The following SMAD3 variants were observed in gnomAD, a reference collection of about 807,000 sequenced individuals.
SMAD3 encodes MAD homolog 3.
SMAD3 carries 12 observed loss-of-function variants against 51.8 expected under a neutral mutation model. The observed-to-expected ratio is 0.23, with a 90% CI of 0.15 to 0.38. The LOEUF is 0.38. Ranked by LOEUF, SMAD3 falls within the 10% of genes least tolerant of loss-of-function variation. The pLI, the probability that SMAD3 is intolerant of heterozygous loss-of-function variation, is 1.00. For missense variants in SMAD3, 294 were observed against 565.6 expected (o/e 0.52, Z 4.87); for synonymous variants, 238 against 227.7 (o/e 1.05, Z -0.41).
intron 1 of SMAD3, among the ~76,000 whole-genome samples, chr15:67,068,851 T>A (rs1959986610): frequency 6.6e-6 from 1 of 152,178 alleles, no homozygotes; most frequent in Non-Finnish European, 1.5e-5. Flanking sequence ...TATCAATGTG[T>A]CTGCTAAGCC....
In SMAD3 at chr15:67,194,205, GTC is replaced by G. The variant is rs1963443229; in HGVS notation, c.*3671_*3672del. ...AACCTCAACACAGCGAAGCTGTACT[GTC>G]TTTGTGTGGCAAAGATGTTCCCTTG... is the stretch of plus-strand genomic sequence containing the variant. On this transcript the variant is annotated 3_prime_UTR_variant, in exon 9 of 9. Coordinates refer to ENST00000327367, the MANE Select transcript of SMAD3 (RefSeq NM_005902.4). 4.3e-6 allele frequency: 1 copy of G among 233,354 alleles called. No individual in the cohort carries two copies. Among genetic ancestry groups the G allele is most frequent in the South Asian group, 1.8e-4 (1 of 5,538 alleles). The allele number at this position is 233,354 out of a possible 1,614,324, so 14.5% of individuals were successfully genotyped here. A position where few individuals can be genotyped will look rare whatever the true frequency, so the allele number is the denominator to read the frequency against.
At chr15:67,136,527 CGCCATGTTG>C (rs1348841070) in intron 1 of SMAD3, among the ~76,000 whole-genome samples, 12 of 152,064 alleles carry the variant, frequency 7.9e-5, no homozygotes, top group African/African-American at 2.9e-4. Context: ...GACAGGGTTT[CGCCATGTTG>C]GCCAGGCTGG....
chr15:67,108,161 C>T (rs962146337), intron 1 of SMAD3, among the ~76,000 whole-genome samples: 5 of 152,116 alleles, frequency 3.3e-5, no homozygotes, highest in Admixed American at 6.5e-5. Flanking sequence ...TCGGGGGCTC[C>T]GGTAAGAAGC....
chr15:67,187,528 C>G lies in SMAD3; in HGVS notation c.1154+19C>G. On this transcript the variant is annotated intron_variant, in intron 8 of 8. Coordinates refer to ENST00000327367, the MANE Select transcript of SMAD3 (RefSeq NM_005902.4). ...AGTACAGGTCAGTTATGGGTGCTGC[C>G]TACATCAGGGGACCCAACTCCAGGT... 1 of 1,614,088 alleles carries G rather than the reference C, an allele frequency of 6.2e-7. No homozygotes were observed. The highest frequency in any genetic ancestry group is 8.5e-7 in the Non-Finnish European group (1 of 1,179,980).
At chr15:67,112,298 C>T (rs190225997) in intron 1 of SMAD3, among the ~76,000 whole-genome samples, 7 of 149,946 alleles carry the variant, frequency 4.7e-5, no homozygotes, top group African/African-American at 7.3e-5. Flanking sequence ...TACAGGCGCC[C>T]GCCACCACTC....
At chr15:67,098,927 G>A (rs1440086901) in intron 1 of SMAD3, 15 of 702,314 alleles carry the variant, frequency 2.1e-5, no homozygotes, top group African/African-American at 5.2e-5. Flanking sequence ...GGGTCAGGCA[G>A]CCCATGGAGA....
Position 67,193,501 on chromosome 15 carries a change from C to G in SMAD3, c.*2965C>G. The G allele has an allele frequency of 4.3e-6, 1 of 233,810 alleles. No homozygotes were observed. Among genetic ancestry groups the G allele is most frequent in the South Asian group, 1.8e-4 (1 of 5,522 alleles). 14.5% of individuals were successfully genotyped at this position (233,810 alleles called of 1,614,324 possible). ...TTCCAGCACATACGTAGGTAGCTAC[C>G]CCAGCCGGTTTGGATTACAGGCCTG... On this transcript the variant is annotated 3_prime_UTR_variant, in exon 9 of 9. Coordinates refer to ENST00000327367, the MANE Select transcript of SMAD3 (RefSeq NM_005902.4).
At chr15:67,081,572 G>T (rs1252857282) in intron 1 of SMAD3, among the ~76,000 whole-genome samples, 4 of 152,174 alleles carry the variant, frequency 2.6e-5, no homozygotes, top group Non-Finnish European at 5.9e-5. Context: ...CCACTAAGAA[G>T]GCTAGAAGCA....
intron 1 of SMAD3, among the ~76,000 whole-genome samples, chr15:67,066,632 G>A (rs1959926517): frequency 6.6e-6 from 1 of 152,204 alleles, no homozygotes; most frequent in African/African-American, 2.4e-5. Context: ...ACCTCCGGGA[G>A]GGGAGAGCGG....
chr15:67,190,204 C>G (rs1963324322), intron 8 of SMAD3, among the ~76,000 whole-genome samples: 1 of 152,158 alleles, frequency 6.6e-6, no homozygotes, highest in African/African-American at 2.4e-5. Flanking sequence ...CCTTCCCCCT[C>G]AAGAGAACTT....
rs753530213 is a variant in SMAD3 at position 67,112,154 on chromosome 15, CTTTT to C, written c.206+45803_206+45806del. On this transcript the variant is annotated intron_variant, in intron 1 of 8. Coordinates refer to ENST00000327367, the MANE Select transcript of SMAD3 (RefSeq NM_005902.4). ...TTAGCCATTTCTTTTTTTTTCTTTC[CTTTT>C]TTTTTTTTGAGACAGAGTTTTGCTC... Among the ~76,000 whole-genome samples the C allele has an allele frequency of 2.4e-3, 220 of 90,410 alleles. 8 individuals carry two copies. The highest frequency in any genetic ancestry group is 0.011 in the African/African-American group (214 of 19,858). The allele number at this position is 90,410 out of a possible 152,430, so 59.3% of individuals were successfully genotyped here.
intron 1 of SMAD3, among the ~76,000 whole-genome samples, chr15:67,155,532 C>G (rs949187706): frequency 6.6e-6 from 1 of 152,080 alleles, no homozygotes; most frequent in Non-Finnish European, 1.5e-5. Flanking sequence ...CAAATGGAAC[C>G]GATGCAAGGA....
chr15:67,187,399 C>T lies in SMAD3; in HGVS notation c.1044C>T (p.Phe348=), dbSNP rs751780616. 5.1e-5 allele frequency: 83 copies of T among 1,614,060 alleles called. No homozygotes were observed. The highest frequency in any genetic ancestry group is 6.7e-5 in the African/African-American group (5 of 74,918). ...CNLKIFNNQE[F]AALLAQSVNQ... ...TGAAGATCTTCAACAACCAGGAGTT[C>T]GCTGCCCTCCTGGCCCAGTCGGTCA... The change falls in exon 8 of 9, where the codon TTC becomes TTT. Residue 348 remains phenylalanine (F), a synonymous_variant. Transcript: ENST00000327367.
intron 5 of SMAD3, among the ~76,000 whole-genome samples, chr15:67,171,805 G>C (rs1026110877): frequency 6.6e-6 from 1 of 152,190 alleles, no homozygotes; most frequent in Admixed American, 6.5e-5. Context: ...CAGAGGGAAG[G>C]TCAGATTCCT....
chr15:67,086,887 T>C (rs1369405645), intron 1 of SMAD3, among the ~76,000 whole-genome samples: 1 of 137,860 alleles, frequency 7.3e-6, no homozygotes, highest in East Asian at 2.1e-4. Flanking sequence ...ACATTGCATA[T>C]CTTCTCCTTT....
At chr15:67,141,806 A>G (rs962447868) in intron 1 of SMAD3, among the ~76,000 whole-genome samples, 25 of 152,256 alleles carry the variant, frequency 1.6e-4, no homozygotes, top group African/African-American at 5.8e-4. Flanking sequence ...GCTCTGGTTC[A>G]TGGCTTACCT....
intron 1 of SMAD3, among the ~76,000 whole-genome samples, chr15:67,107,267 T>C (rs182378130): frequency 3.5e-4 from 54 of 152,162 alleles, no homozygotes; most frequent in Middle Eastern, 3.4e-3. Context: ...TCAGGCACAG[T>C]GACTGTGATA....
At chr15:67,153,690 C>T (rs537154904) in intron 1 of SMAD3, among the ~76,000 whole-genome samples, 2 of 152,280 alleles carry the variant, frequency 1.3e-5, no homozygotes, top group Admixed American at 1.3e-4. Flanking sequence ...GGGAGCCAGA[C>T]ATGCTGTTAA....
At chr15:67,166,493 G>A (rs1247343265) in intron 3 of SMAD3, 2 of 524,782 alleles carry the variant, frequency 3.8e-6, no homozygotes, top group Admixed American at 6.3e-5. Context: ...TCACCTTGAA[G>A]GACCAGGATA....
Sources: allele counts gnomAD v4.1 joint callset (sites outside exome capture counted in the v4.1 genomes callset), GRCh38; gene constraint gnomAD v4.1.1; transcripts MANE v1.5; gene names NCBI Gene and HGNC (gene_info 2026-07-23, HGNC 2026-07-21).